SLC5A1: variants seen among roughly 807,000 people sequenced by gnomAD.
SLC5A1 encodes the protein sodium/glucose cotransporter 1.
SLC5A1 carries 42 observed loss-of-function variants against 73.5 expected under a neutral mutation model. That is an observed-to-expected ratio of 0.57 (90% CI 0.45 to 0.74). The LOEUF is 0.74. Among genes scored for constraint, SLC5A1 ranks in the 30% least tolerant of loss-of-function variants. SLC5A1 has a pLI of 0.00. For synonymous variants in SLC5A1, 300 were observed against 317.4 expected (o/e 0.95, Z 0.58); for missense variants, 634 against 855.4 (o/e 0.74, Z 3.23).
At chr22:32,098,386 C>T (rs1190955426) in intron 11 of SLC5A1, among the ~76,000 whole-genome samples, 1 of 152,192 alleles carries the variant, frequency 6.6e-6, no homozygotes, top group African/African-American at 2.4e-5. Flanking sequence ...TGTATCACTA[C>T]TACTATCACT....
chr22:32,095,768 A>G (rs906202295), intron 11 of SLC5A1, among the ~76,000 whole-genome samples: 1 of 152,198 alleles, frequency 6.6e-6, no homozygotes, highest in African/African-American at 2.4e-5. Context: ...AGTTTCTTGA[A>G]GGCAGCAGAT....
intron 1 of SLC5A1, among the ~76,000 whole-genome samples, chr22:32,049,719 G>T (rs1256800249): frequency 6.6e-6 from 1 of 152,076 alleles, no homozygotes; most frequent in African/African-American, 2.4e-5. Context: ...TAGCCCTACA[G>T]TAAGCTGTAT....
At chr22:32,074,179 T>G (rs997097269) in intron 5 of SLC5A1, among the ~76,000 whole-genome samples, 13 of 152,136 alleles carry the variant, frequency 8.5e-5, no homozygotes, top group African/African-American at 3.1e-4. Flanking sequence ...TGGACTGCAG[T>G]TGCCATGGTA....
intron 5 of SLC5A1, among the ~76,000 whole-genome samples, chr22:32,069,624 G>C (rs1369627721): frequency 6.7e-6 from 1 of 149,704 alleles, no homozygotes; most frequent in African/African-American, 2.6e-5. Context: ...ATAATATATA[G>C]TTTAAAGTAT....
At chr22:32,079,331 G>A (rs1216120552) in intron 5 of SLC5A1, among the ~76,000 whole-genome samples, 2 of 152,192 alleles carry the variant, frequency 1.3e-5, no homozygotes, top group Admixed American at 6.5e-5. Context: ...ACTCATGCGA[G>A]GAAGAATTTG....
At chr22:32,060,143 A>AC (rs1491588319) in intron 2 of SLC5A1, among the ~76,000 whole-genome samples, 3 of 17,456 alleles carry the variant, frequency 1.7e-4, no homozygotes, top group African/African-American at 3.4e-4. Context: ...ATATATACAC[A>AC]TACACACACA....
chr22:32,078,954 C>CA lies in SLC5A1; in HGVS notation c.478-2882dup, dbSNP rs6147589. Among the ~76,000 whole-genome samples, 606 of 108,992 alleles carry CA rather than the reference C, an allele frequency of 5.6e-3. 52 individuals are homozygous for CA. Among genetic ancestry groups the CA allele is most frequent in the African/African-American group, 0.018 (397 of 22,662 alleles). The allele number at this position is 108,992 out of a possible 152,430, so 71.5% of individuals were successfully genotyped here. On this transcript the variant is annotated intron_variant, in intron 5 of 14. Coordinates refer to ENST00000266088, the MANE Select transcript of SLC5A1 (RefSeq NM_000343.4). ...TGGCGAAAGAGCAAGACTCTGTCTC[C>CA]AAAAAAAAAAAAAAAAAAAAAAAAA... is the stretch of plus-strand genomic sequence containing the variant.
chr22:32,059,727 C>G (rs947630286), intron 2 of SLC5A1, among the ~76,000 whole-genome samples: 3 of 152,110 alleles, frequency 2.0e-5, no homozygotes, highest in African/African-American at 7.2e-5. Flanking sequence ...GTTGAGATCA[C>G]CTCTGAGAAC....
chr22:32,043,496 A>C lies in SLC5A1; in HGVS notation c.135+80A>C. Reference sequence around the variant, plus strand: ...ATGGCCTCGCTGAGCTGCAAGGGGCAGTAGGCTTAAGTGTCGGTGGAGGGG... The same window carrying C: ...ATGGCCTCGCTGAGCTGCAAGGGGCCGTAGGCTTAAGTGTCGGTGGAGGGG... On this transcript the variant is annotated intron_variant, in intron 1 of 14. Transcript: ENST00000266088. This position sits in a 1 kb window ranked among gnomAD's most constrained non-coding sequence, Gnocchi z 6.5. 6.9e-7 allele frequency: 1 copy of C among 1,450,162 alleles called. No homozygotes were observed. The highest frequency in any genetic ancestry group is 1.2e-5 in the South Asian group (1 of 84,644). The allele number at this position is 1,450,162 out of a possible 1,614,324, so 89.8% of individuals were successfully genotyped here. A position where few individuals can be genotyped will look rare whatever the true frequency, so the allele number is the denominator to read the frequency against.
chr22:32,060,543 G>C (rs2093960726), intron 2 of SLC5A1, among the ~76,000 whole-genome samples: 1 of 152,078 alleles, frequency 6.6e-6, no homozygotes, highest in South Asian at 2.1e-4. Flanking sequence ...ATTTTGGAGA[G>C]AGCCTCTTTC....
rs142137533 is a variant in SLC5A1 at position 32,083,083 on chromosome 22, C to T, written c.593C>T (p.Ala198Val). Reference protein sequence around the residue: ...TALYTITGGLAAVIYTDTLQT... With the variant: ...TALYTITGGLVAVIYTDTLQT... ...CTTCTTGCCTGCTTAGGGGGCCTGG[C>T]GGCGGTGATTTACACGGACACCTTG... Residue 198 changes from alanine (A) to valine (V), a missense_variant, in exon 7 of 15, where the codon GCG (alanine) becomes GTG (valine). By Grantham distance (64) the Ala-to-Val change is moderately conservative. Transcript: ENST00000266088. 36 of 1,613,908 alleles carry T rather than the reference C, an allele frequency of 2.2e-5. No homozygotes were observed. The highest frequency in any genetic ancestry group is 3.3e-4 in the Middle Eastern group (2 of 6,084).
rs1438488736 is a variant in SLC5A1 at position 32,043,467 on chromosome 22, AGCAATGGCCTCGCTGAGCT to A, written c.135+56_135+74del. 4 of 1,600,372 alleles carry A rather than the reference AGCAATGGCCTCGCTGAGCT, an allele frequency of 2.5e-6. No homozygotes were observed. The African/African-American group carries it at 5.4e-5, about 21-fold the overall frequency. ...GTGGGGAGGGTGCGCACAGAGGAGG[AGCAATGGCCTCGCTGAGCT>A]GCAAGGGGCAGTAGGCTTAAGTGTC... On this transcript the variant is annotated intron_variant, in intron 1 of 14. Transcript: ENST00000266088. The surrounding 1 kb of genome is among the most constrained non-coding windows in gnomAD (Gnocchi z 6.5).
At chr22:32,066,786 T>C in intron 2 of SLC5A1, 149 bp from the exon 3 acceptor site, 1 of 672,916 alleles carries the variant, frequency 1.5e-6, no homozygotes, top group Non-Finnish European at 2.8e-6. Flanking sequence ...GAACCAGCTG[T>C]CCCTGATGAT....
At position 32,069,419 on chromosome 22, in the gene SLC5A1, A is replaced by T. The variant is rs143243663; in HGVS notation, c.477+819A>T. On this transcript the variant is annotated intron_variant, in intron 5 of 14. Coordinates refer to ENST00000266088, the MANE Select transcript of SLC5A1 (RefSeq NM_000343.4). The stretch of plus-strand genomic sequence containing the variant: ...TCAGAGAAAGATTTTAGCTGGGCTT[A>T]GTAGTGTGTGCCTGTAGTCCCAGCA... 2.6e-5 allele frequency among the ~76,000 whole-genome samples: 4 copies of T among 152,220 alleles called. No individual in the cohort carries two copies. The East Asian group carries it at 7.7e-4, about 29-fold the overall frequency.
rs67059150 is a variant in SLC5A1, at chr22:32,091,298, AACACACACAC to A, written c.1130-279_1130-270del. On this transcript the variant is annotated intron_variant, in intron 10 of 14. Transcript: ENST00000266088. ...CCTCAGATGGAAACACACATACACA[AACACACACAC>A]ACACACACACACACACACACACACA... is the stretch of plus-strand genomic sequence containing the variant. Among the ~76,000 whole-genome samples, 396 of 139,052 alleles carry A rather than the reference AACACACACAC, an allele frequency of 2.8e-3. 4 individuals are homozygous for A. The highest frequency in any genetic ancestry group is 0.011 in the South Asian group (45 of 4,052). The allele number at this position is 139,052 out of a possible 152,430, so 91.2% of individuals were successfully genotyped here. A position where few individuals can be genotyped will look rare whatever the true frequency, so the allele number is the denominator to read the frequency against.
In SLC5A1 at chr22:32,081,912, T is replaced by C. The variant is rs2094000546; in HGVS notation, c.524T>C (p.Leu175Pro). The part of the protein sequence containing the change: ...GAIFINLALG[L>P]NLYLAIFLLL... Reference sequence around the variant, plus strand: ...ATATTCATCAATCTGGCCTTAGGCCTGAATCTGTATTTAGCCATCTTTCTC... The same window carrying C: ...ATATTCATCAATCTGGCCTTAGGCCCGAATCTGTATTTAGCCATCTTTCTC... Residue 175 changes from leucine to proline, a missense_variant, in exon 6 of 15, where the codon CTG (leucine) becomes CCG (proline). Leu to Pro is a moderately conservative substitution (Grantham distance 98). This residue lies in a region of SLC5A1 where 422 missense variants were observed against 626.1 expected (regional missense o/e 0.67). Coordinates refer to ENST00000266088, the MANE Select transcript of SLC5A1 (RefSeq NM_000343.4). 2 of 1,613,692 alleles carry C rather than the reference T, an allele frequency of 1.2e-6. No individual in the cohort carries two copies. The highest frequency in any genetic ancestry group is 1.7e-6 in the Non-Finnish European group (2 of 1,179,782).
intron 6 of SLC5A1, 63 bp downstream of exon 6, chr22:32,082,034 T>C: frequency 9.9e-7 from 1 of 1,011,290 alleles, no homozygotes. Context: ...TAGTGAAGGA[T>C]AAAGGGAAGT....
intron 2 of SLC5A1, among the ~76,000 whole-genome samples, chr22:32,052,530 G>A (rs1211831512): frequency 1.3e-5 from 2 of 152,136 alleles, no homozygotes; most frequent in African/African-American, 4.8e-5. Flanking sequence ...GAGAGGCAGG[G>A]ATGCACTCCA....
At chr22:32,054,787 C>G (rs1212688626) in intron 2 of SLC5A1, among the ~76,000 whole-genome samples, 1 of 152,170 alleles carries the variant, frequency 6.6e-6, no homozygotes, top group African/African-American at 2.4e-5. Flanking sequence ...ATTCTCCTGC[C>G]TCAGCCTCCC....
Sources: gnomAD v4.1 joint callset for allele counts (sites outside exome capture counted in the v4.1 genomes callset) on GRCh38, gnomAD v4.1.1 for gene constraint, gnomAD v4.1.1 regional missense constraint, Gnocchi (gnomAD v3.1) non-coding constraint, MANE v1.5 for transcripts, NCBI Gene and HGNC (gene_info 2026-07-23, HGNC 2026-07-21) for gene names.